CCDC3: variants seen among roughly 807,000 people sequenced by gnomAD.
CCDC3 encodes the protein coiled-coil domain-containing protein 3.
A neutral mutation model predicts 21.4 loss-of-function variants in CCDC3; 24 were observed. The ratio of observed to expected loss-of-function variants is 1.12; its 90% CI spans 0.81 to 1.58. The LOEUF (loss-of-function observed/expected upper bound fraction) is 1.58. Among genes scored for constraint, CCDC3 ranks in the 40% most tolerant of loss-of-function variants. CCDC3 has a pLI of 0.00. For synonymous variants in CCDC3, 186 were observed against 166.0 expected (o/e 1.12, Z -0.93); for missense variants, 425 against 360.9 (o/e 1.18, Z -1.44).
chr10:12,986,696 G>C (rs2782271), intron 2 of CCDC3, among the ~76,000 whole-genome samples: 48,494 of 151,256 alleles, frequency 0.32, 8,445 homozygotes, highest in African/African-American at 0.46. Context: ...ATGGCGTGAC[G>C]CGGGAGGCGG....
intron 4 of CCDC3, among the ~76,000 whole-genome samples, chr10:13,065,187 T>C (rs577084346): frequency 6.6e-6 from 1 of 152,246 alleles, no homozygotes; most frequent in South Asian, 2.1e-4. Flanking sequence ...TTTAATTAGA[T>C]TAACCTGCCT....
intron 2 of CCDC3, among the ~76,000 whole-genome samples, chr10:12,956,471 C>T (rs1273764848): frequency 1.3e-5 from 2 of 152,202 alleles, no homozygotes; most frequent in African/African-American, 4.8e-5. Context: ...CCCATGGGAC[C>T]TCGATTTTGT....
chr10:12,996,606 G>A (rs888814430), intron 2 of CCDC3, among the ~76,000 whole-genome samples: 1 of 152,174 alleles, frequency 6.6e-6, no homozygotes, highest in African/African-American at 2.4e-5. Context: ...AAAGTGCTGG[G>A]ATTACAGACA....
chr10:13,032,480 G>T (rs139745545), intron 5 of CCDC3, among the ~76,000 whole-genome samples: 4,364 of 152,256 alleles, frequency 0.029, 240 homozygotes, highest in African/African-American at 0.1. Flanking sequence ...AGTGTTGGAA[G>T]TTCTGGCCAG....
chr10:12,943,274 A>ACC (rs202106167), intron 2 of CCDC3, among the ~76,000 whole-genome samples: 2 of 151,756 alleles, frequency 1.3e-5, no homozygotes, highest in Non-Finnish European at 2.9e-5. Flanking sequence ...AATTCTAAGC[A>ACC]CCCCCCCGCA....
chr10:13,094,767 G>A (rs1224401821), intron 3 of CCDC3, among the ~76,000 whole-genome samples: 1 of 152,184 alleles, frequency 6.6e-6, no homozygotes, highest in East Asian at 2.0e-4. Context: ...GGCAGGCTGA[G>A]GTGGGAGAAT....
chr10:12,979,179 A>G (rs1242614775), intron 2 of CCDC3, among the ~76,000 whole-genome samples: 1 of 152,092 alleles, frequency 6.6e-6, no homozygotes, highest in Non-Finnish European at 1.5e-5. Flanking sequence ...TCACCCTGAC[A>G]ATGTCAATTA....
chr10:13,059,287 C>T (rs966745436), intron 4 of CCDC3, among the ~76,000 whole-genome samples: 2 of 152,282 alleles, frequency 1.3e-5, no homozygotes, highest in South Asian at 2.1e-4. Flanking sequence ...CTTTGCGGAG[C>T]GGACCTCTCA....
chr10:13,027,838 A>G (rs558298094), intron 5 of CCDC3, among the ~76,000 whole-genome samples: 3 of 152,282 alleles, frequency 2.0e-5, no homozygotes, highest in East Asian at 3.9e-4. Flanking sequence ...AACTAAAACA[A>G]TAGTTGAGAG....
At chr10:12,943,464 A>C (rs904132624) in intron 2 of CCDC3, among the ~76,000 whole-genome samples, 3 of 152,252 alleles carry the variant, frequency 2.0e-5, no homozygotes, top group Admixed American at 2.0e-4. Context: ...ATCAAGCTGC[A>C]AACACAAGCT....
At chr10:12,923,936 G>C (rs10906254) in intron 2 of CCDC3, among the ~76,000 whole-genome samples, 24,284 of 152,140 alleles carry the variant, frequency 0.16, 2,281 homozygotes, top group East Asian at 0.42. Context: ...TCAGGGAATG[G>C]CTACACTTTG....
intron 5 of CCDC3, among the ~76,000 whole-genome samples, chr10:13,030,959 A>G (rs1836292446): frequency 6.6e-6 from 1 of 152,226 alleles, no homozygotes. Flanking sequence ...TAACACGGAT[A>G]TCCAGGAATT....
chr10:13,009,610 C>A (rs541304217), intron 5 of CCDC3, among the ~76,000 whole-genome samples: 11 of 152,016 alleles, frequency 7.2e-5, no homozygotes, highest in Non-Finnish European at 1.6e-4. Context: ...AGAAATAAAC[C>A]CATAAATATA....
intron 2 of CCDC3, among the ~76,000 whole-genome samples, chr10:12,994,255 G>A (rs911835317): frequency 3.3e-5 from 5 of 151,896 alleles, no homozygotes; most frequent in Non-Finnish European, 7.4e-5. Flanking sequence ...AAAATTAGCT[G>A]GGCATGGTGG....
At chr10:13,025,410 A>T (rs571348513) in intron 5 of CCDC3, among the ~76,000 whole-genome samples, 1 of 152,362 alleles carries the variant, frequency 6.6e-6, no homozygotes, top group East Asian at 1.9e-4. Context: ...AGCCAAACAC[A>T]GAATTAACAT....
chr10:13,086,601 C>T (rs1260823614), intron 3 of CCDC3, among the ~76,000 whole-genome samples: 1 of 152,150 alleles, frequency 6.6e-6, no homozygotes, highest in Non-Finnish European at 1.5e-5. Flanking sequence ...CACATGCCAC[C>T]ACGCCCCACT....
At chr10:12,946,274 G>A (rs184004944) in intron 2 of CCDC3, among the ~76,000 whole-genome samples, 10 of 152,288 alleles carry the variant, frequency 6.6e-5, no homozygotes, top group East Asian at 1.9e-4. Flanking sequence ...CTAAGGCTGC[G>A]TCAATGTCTG....
At chr10:12,931,679 T>C (rs548330493) in intron 2 of CCDC3, among the ~76,000 whole-genome samples, 133 of 152,358 alleles carry the variant, frequency 8.7e-4, no homozygotes, top group African/African-American at 3.0e-3. Flanking sequence ...CTGACAAGTT[T>C]GTCTGACCAA....
chr10:13,029,097 C>T (rs1192734745), intron 5 of CCDC3, among the ~76,000 whole-genome samples: 1 of 152,164 alleles, frequency 6.6e-6, no homozygotes, highest in African/African-American at 2.4e-5. Flanking sequence ...GGATGCCAGC[C>T]TTGGCAATGT....
Sources: allele counts gnomAD v4.1 joint callset (sites outside exome capture counted in the v4.1 genomes callset), GRCh38; gene constraint gnomAD v4.1.1; transcripts MANE v1.5; gene names NCBI Gene and HGNC (gene_info 2026-07-23, HGNC 2026-07-21).